BLNK: variants seen among roughly 807,000 people sequenced by gnomAD.
BLNK encodes the protein B-cell linker protein.
BLNK carries 29 observed loss-of-function variants against 73.5 expected under a neutral mutation model. The observed-to-expected ratio is 0.39, with a 90% CI of 0.29 to 0.54. The LOEUF (loss-of-function observed/expected upper bound fraction) is 0.54. BLNK is among the 20% of genes least tolerant of loss of function. BLNK has a pLI of 0.61. For missense variants in BLNK, 460 were observed against 562.8 expected (o/e 0.82, Z 1.85); for synonymous variants, 176 against 200.8 (o/e 0.88, Z 1.04).
intron 3 of BLNK, among the ~76,000 whole-genome samples, chr10:96,238,394 A>G (rs587611722): frequency 1.3e-5 from 2 of 152,240 alleles, no homozygotes; most frequent in Admixed American, 6.5e-5. Context: ...CATAAATCCA[A>G]TGTGTGGGGG....
intron 1 of BLNK, among the ~76,000 whole-genome samples, chr10:96,257,049 C>T (rs1191922540): frequency 2.0e-5 from 3 of 151,972 alleles, no homozygotes; most frequent in African/African-American, 7.3e-5. Context: ...GAACAGCAGC[C>T]AGGTATCAGG....
intron 3 of BLNK, among the ~76,000 whole-genome samples, chr10:96,240,288 A>G (rs1842842385): frequency 1.3e-5 from 2 of 152,208 alleles, no homozygotes; most frequent in African/African-American, 2.4e-5. Flanking sequence ...CACGTGTTGA[A>G]TGAATCAGAA....
chr10:96,192,029 T>A lies in BLNK; in HGVS notation c.1315A>T (p.Ser439Cys). ...GTGGAATCTTTTGTGTTATTCTGAC[T>A]GTCAATAAGAACCAAAGGACTATGT... Reference protein sequence around the residue: ...HQHSPLVLIDSQNNTKDSTRL... With the variant: ...HQHSPLVLIDCQNNTKDSTRL... Residue 439 changes from serine (S) to cysteine (C), a missense_variant, in exon 17 of 17, where the codon AGT (serine) becomes TGT (cysteine). Physicochemically the swap from Ser to Cys is moderately radical, Grantham distance 112 (BLOSUM62 -1). This residue lies in a region of BLNK where 88 missense variants were observed against 143.4 expected (regional missense o/e 0.61). Transcript: ENST00000224337. The A allele has an allele frequency of 3.1e-6, 5 of 1,613,808 alleles. No individual in the cohort carries two copies. The highest frequency in any genetic ancestry group is 4.2e-6 in the Non-Finnish European group (5 of 1,179,800).
intron 1 of BLNK, among the ~76,000 whole-genome samples, chr10:96,247,438 A>G (rs1398170779): frequency 6.6e-6 from 1 of 152,220 alleles, no homozygotes; most frequent in East Asian, 1.9e-4. Flanking sequence ...AGTAGGTAGC[A>G]TCTATTAAAA....
intron 16 of BLNK, among the ~76,000 whole-genome samples, chr10:96,196,583 C>T (rs2083471834): frequency 6.6e-6 from 1 of 152,166 alleles, no homozygotes; most frequent in South Asian, 2.1e-4. Flanking sequence ...GAACTTGACC[C>T]TAATTCTTAC....
intron 6 of BLNK, among the ~76,000 whole-genome samples, chr10:96,218,385 G>A (rs2084116780): frequency 6.6e-6 from 1 of 152,088 alleles, no homozygotes; most frequent in Admixed American, 6.6e-5. Flanking sequence ...TGCTCAAGTT[G>A]TCAAGTTTAA....
rs1387164212 is a variant in BLNK at position 96,230,724 on chromosome 10, A to T, written c.204+70T>A. On this transcript the variant is annotated intron_variant, in intron 4 of 16. Coordinates refer to ENST00000224337, the MANE Select transcript of BLNK (RefSeq NM_013314.4). ...GCGGCTGACCACCAGCATGTAATTC[A>T]GAAATAAGATCTTCAAAAGGCCTCC... 7 of 1,524,798 alleles carry T rather than the reference A, an allele frequency of 4.6e-6. No individual in the cohort carries two copies. In the African/African-American group the frequency reaches 9.5e-5, roughly 21 times the overall value. The allele number at this position is 1,524,798 out of a possible 1,614,324, so 94.5% of individuals were successfully genotyped here. A position where few individuals can be genotyped will look rare whatever the true frequency, so the allele number is the denominator to read the frequency against.
intron 3 of BLNK, among the ~76,000 whole-genome samples, chr10:96,238,402 G>A (rs587696385): frequency 6.6e-6 from 1 of 152,168 alleles, no homozygotes; most frequent in East Asian, 1.9e-4. Context: ...CAATGTGTGG[G>A]GGGAAAATGG....
At chr10:96,261,614 A>G (rs1313499812) in intron 1 of BLNK, among the ~76,000 whole-genome samples, 1 of 152,232 alleles carries the variant, frequency 6.6e-6, no homozygotes, top group Non-Finnish European at 1.5e-5. Context: ...AAGTCCTGCC[A>G]TGGTAAAAAA....
At chr10:96,210,287 G>A in intron 8 of BLNK, 1 of 333,198 alleles carries the variant, frequency 3.0e-6, no homozygotes, top group South Asian at 2.8e-5. Flanking sequence ...CTACATCTGT[G>A]CACACTGCAC....
In BLNK at chr10:96,200,344, AT is replaced by A. The variant is rs1209922430; in HGVS notation, c.1012-187del. ...ATTATACCGTTAACTTGTTTTTTGT[AT>A]TTTTTTTTCATTTGGCCTTAGCTAG... On this transcript the variant is annotated intron_variant, in intron 14 of 16. Transcript: ENST00000224337. The surrounding 1 kb of genome is among the most constrained non-coding windows in gnomAD (Gnocchi z 4.3). Among the ~76,000 whole-genome samples, 5 of 151,086 alleles carry A rather than the reference AT, an allele frequency of 3.3e-5. No homozygotes were observed. Among genetic ancestry groups the A allele is most frequent in the African/African-American group, 9.7e-5 (4 of 41,188 alleles).
chr10:96,246,117 T>C (rs1372839868), intron 2 of BLNK, among the ~76,000 whole-genome samples: 1 of 152,116 alleles, frequency 6.6e-6, no homozygotes, highest in Non-Finnish European at 1.5e-5. Flanking sequence ...CAAATGCAGA[T>C]ATGTACAATT....
Position 96,226,198 on chromosome 10 carries a change from C to A in BLNK, c.361+1212G>T, listed in dbSNP as rs587641863. Among the ~76,000 whole-genome samples the A allele has an allele frequency of 1.1e-4, 16 of 152,250 alleles. No homozygotes were observed. The South Asian group carries it at 3.3e-3, about 32-fold the overall frequency. On this transcript the variant is annotated intron_variant, in intron 5 of 16. Transcript: ENST00000224337. ...GGATTATCGAGGAGGTTAAGTAGACCCCCAGGGGAAAGCACTAAACTGTAA... is the reference window on the plus strand; with the variant it reads ...GGATTATCGAGGAGGTTAAGTAGACACCCAGGGGAAAGCACTAAACTGTAA...
In BLNK at chr10:96,192,096, G is replaced by A. The variant is rs372130465; in HGVS notation, c.1252-4C>T. 43 of 1,613,364 alleles carry A rather than the reference G, an allele frequency of 2.7e-5. No individual in the cohort carries two copies. The Middle Eastern group carries it at 4.9e-4, about 19-fold the overall frequency. On this transcript the variant is annotated splice_polypyrimidine_tract_variant and splice_region_variant and intron_variant, in intron 16 of 16. Coordinates refer to ENST00000224337, the MANE Select transcript of BLNK (RefSeq NM_013314.4). ...TTTCAGCAACACTTCCAAAGTACTA[G>A]AGGAAGAAAACATAGATGAATTATA...
intron 4 of BLNK, among the ~76,000 whole-genome samples, chr10:96,228,491 A>G (rs1554903243): frequency 3.9e-5 from 6 of 152,126 alleles, no homozygotes; most frequent in Non-Finnish European, 1.5e-5. Flanking sequence ...TCCTGACCTC[A>G]GGTGATCTGC....
chr10:96,229,656 G>GTGTGTA (rs1332760855), intron 4 of BLNK, among the ~76,000 whole-genome samples: 1 of 147,274 alleles, frequency 6.8e-6, no homozygotes, highest in Non-Finnish European at 1.5e-5. Flanking sequence ...ACATGTGGCT[G>GTGTGTA]TGTGTGTGTG....
At chr10:96,213,700 T>C (rs587768975) in intron 8 of BLNK, among the ~76,000 whole-genome samples, 1 of 152,302 alleles carries the variant, frequency 6.6e-6, no homozygotes, top group African/African-American at 2.4e-5. Flanking sequence ...ATATTAGTAA[T>C]CTATTTCTCT....
chr10:96,216,550 G>A, intron 7 of BLNK, 103 bp downstream of exon 7: 2 of 999,376 alleles, frequency 2.0e-6, no homozygotes, highest in Non-Finnish European at 3.2e-6. Flanking sequence ...GAAAGTCCTG[G>A]GCACTGTCAT....
At chr10:96,192,169 C>A in intron 16 of BLNK, 77 bp from the exon 17 acceptor site, 1 of 1,580,306 alleles carries the variant, frequency 6.3e-7, no homozygotes, top group Non-Finnish European at 8.7e-7. Flanking sequence ...CATCTTCTCT[C>A]ATTCTCAAGT....
Sources: allele counts gnomAD v4.1 joint callset (sites outside exome capture counted in the v4.1 genomes callset), GRCh38; gene constraint gnomAD v4.1.1; regional missense constraint gnomAD v4.1.1; non-coding constraint Gnocchi (gnomAD v3.1); transcripts MANE v1.5; gene names NCBI Gene and HGNC (gene_info 2026-07-23, HGNC 2026-07-21).